FAM13C: variants seen among roughly 807,000 people sequenced by gnomAD.
FAM13C encodes protein FAM13C.
A neutral mutation model predicts 73.2 loss-of-function variants in FAM13C; 37 were observed. The ratio of observed to expected loss-of-function variants is 0.51; its 90% CI spans 0.39 to 0.67. The LOEUF (loss-of-function observed/expected upper bound fraction) is 0.67. Among genes scored for constraint, FAM13C ranks in the 30% least tolerant of loss-of-function variants. The pLI is 0.00. For missense variants in FAM13C, 589 were observed against 715.6 expected, an observed-to-expected ratio of 0.82 and a Z score of 2.02; for synonymous variants, 246 against 260.9, an observed-to-expected ratio of 0.94 and a Z score of 0.55.
chr10:59,308,195 T>C (rs1220370240), intron 4 of FAM13C, among the ~76,000 whole-genome samples: 1 of 152,176 alleles, frequency 6.6e-6, no homozygotes, highest in Non-Finnish European at 1.5e-5. Context: ...AACTCCAGTG[T>C]AAGCTTGTCC....
intron 10 of FAM13C, among the ~76,000 whole-genome samples, chr10:59,254,987 T>C (rs1251639107): frequency 2.0e-5 from 3 of 152,204 alleles, no homozygotes; most frequent in Non-Finnish European, 2.9e-5. Flanking sequence ...AATGTGATTT[T>C]TGGAGGAGTC....
In FAM13C at chr10:59,254,658, A is replaced by C. The variant is rs189873590; in HGVS notation, c.1237-215T>G. Among the ~76,000 whole-genome samples, 1,111 of 151,826 alleles carry C rather than the reference A, an allele frequency of 7.3e-3. 18 individuals carry two copies. The highest frequency in any genetic ancestry group is 0.026 in the African/African-American group (1,057 of 41,330). On this transcript the variant is annotated intron_variant, in intron 10 of 13. Transcript: ENST00000618804. ...TCACTCTGTCACCCAGGCGGAGTGC[A>C]ATGGCATGATCTTGGCTCACTGCAA...
chr10:59,303,802 A>G (rs1389859343), intron 4 of FAM13C, among the ~76,000 whole-genome samples: 1 of 152,140 alleles, frequency 6.6e-6, no homozygotes, highest in Non-Finnish European at 1.5e-5. Flanking sequence ...TCTAATGATC[A>G]GTGATGTGAG....
chr10:59,348,927 C>T (rs375084176), intron 3 of FAM13C, among the ~76,000 whole-genome samples: 2 of 152,298 alleles, frequency 1.3e-5, no homozygotes, highest in African/African-American at 4.8e-5. Context: ...AGCCACAATG[C>T]CCAGCTGAAT....
At chr10:59,351,983 G>A (rs991112998) in intron 3 of FAM13C, among the ~76,000 whole-genome samples, 2 of 151,990 alleles carry the variant, frequency 1.3e-5, no homozygotes, top group South Asian at 2.1e-4. Context: ...GGGATAGAAC[G>A]AAACTCTGTC....
At chr10:59,324,174 G>A in intron 3 of FAM13C, 68 bp from the exon 4 acceptor site, 3 of 1,262,930 alleles carry the variant, frequency 2.4e-6, no homozygotes, top group Non-Finnish European at 3.4e-6. Flanking sequence ...TTATTATGCT[G>A]GAAGTGGGTC....
chr10:59,270,247 C>T (rs976593191), intron 6 of FAM13C, 138 bp from the exon 7 acceptor site: 3 of 808,152 alleles, frequency 3.7e-6, no homozygotes, highest in East Asian at 5.4e-5. Flanking sequence ...ATATGAAAAG[C>T]TTTCAAAATA....
intron 3 of FAM13C, among the ~76,000 whole-genome samples, chr10:59,348,129 T>C (rs1854558841): frequency 6.6e-6 from 1 of 152,238 alleles, no homozygotes. Context: ...GCGCAATATC[T>C]ATGATGGTGC....
intron 7 of FAM13C, among the ~76,000 whole-genome samples, chr10:59,269,133 ACCC>A (rs1471021284): frequency 1.3e-5 from 2 of 151,746 alleles, no homozygotes; most frequent in African/African-American, 2.4e-5. Flanking sequence ...AATTGCATAC[ACCC>A]CCTCACATAA....
intron 12 of FAM13C, 134 bp downstream of exon 12, chr10:59,252,665 C>T (rs1841508066): frequency 1.3e-6 from 1 of 754,072 alleles, no homozygotes; most frequent in African/African-American, 1.8e-5. Flanking sequence ...ATGTAAGAGA[C>T]TAGGATAAAG....
At position 59,352,187 on chromosome 10, in the gene FAM13C, C is replaced by T. The variant is rs1387297442; in HGVS notation, c.324+83G>A. 6.0e-6 allele frequency: 9 copies of T among 1,490,932 alleles called. No homozygotes were observed. The East Asian group carries it at 1.1e-4, about 19-fold the overall frequency. 92.4% of individuals were successfully genotyped at this position (1,490,932 alleles called of 1,614,324 possible). On this transcript the variant is annotated intron_variant, in intron 3 of 13. Coordinates refer to ENST00000618804, the MANE Select transcript of FAM13C (RefSeq NM_198215.4). ...GCCAATCCCCTCCCGCAAAACAGTG[C>T]GCTCAAATCGTCTGCCAGAACCGTG...
rs772920908 is a variant in FAM13C, at chr10:59,264,137, A to G, written c.972T>C (p.Pro324=). Residue 324 remains proline (P), a synonymous_variant, in exon 9 of 14, where the codon CCT becomes CCC. Coordinates refer to ENST00000618804, the MANE Select transcript of FAM13C (RefSeq NM_198215.4). ...AATCATTCATCCATTTCAGGACTTC[A>G]GGATTAGAAGTCTTGTCACCATGTG... is the stretch of plus-strand genomic sequence containing the variant. The part of the protein sequence containing the change: ...RPSHGDKTSN[P]EVLKWMNDLA... The G allele has an allele frequency of 1.3e-6, 2 of 1,571,670 alleles. No individual in the cohort carries two copies. Among genetic ancestry groups the G allele is most frequent in the Non-Finnish European group, 1.7e-6 (2 of 1,153,040 alleles).
intron 3 of FAM13C, among the ~76,000 whole-genome samples, chr10:59,346,874 CTA>C (rs1854359989): frequency 6.6e-6 from 1 of 152,120 alleles, no homozygotes; most frequent in Non-Finnish European, 1.5e-5. Flanking sequence ...TGTTTTCTAT[CTA>C]ATTAGATATC....
intron 4 of FAM13C, among the ~76,000 whole-genome samples, chr10:59,308,057 G>A (rs1221477743): frequency 2.6e-5 from 4 of 152,042 alleles, no homozygotes; most frequent in Non-Finnish European, 5.9e-5. Flanking sequence ...CGGTCACACT[G>A]AACACTCCCT....
chr10:59,357,874 C>A (rs1272707460), intron 1 of FAM13C, among the ~76,000 whole-genome samples: 1 of 152,134 alleles, frequency 6.6e-6, no homozygotes, highest in Non-Finnish European at 1.5e-5. Flanking sequence ...TGCCTGCATA[C>A]ATAAATATAA....
chr10:59,344,342 G>C (rs1446532452), intron 3 of FAM13C, among the ~76,000 whole-genome samples: 1 of 147,716 alleles, frequency 6.8e-6, no homozygotes, highest in Admixed American at 6.8e-5. Flanking sequence ...GCAGCAGCGC[G>C]ATCTCGGCTC....
intron 3 of FAM13C, among the ~76,000 whole-genome samples, chr10:59,337,088 G>C (rs1172849228): frequency 1.3e-5 from 2 of 152,178 alleles, no homozygotes; most frequent in Non-Finnish European, 2.9e-5. Flanking sequence ...ATCATCTCTT[G>C]TGTGAACTTT....
intron 4 of FAM13C, among the ~76,000 whole-genome samples, chr10:59,312,642 C>G (rs1849067574): frequency 6.6e-6 from 1 of 152,188 alleles, no homozygotes; most frequent in Non-Finnish European, 1.5e-5. Flanking sequence ...GCGTGTCCAC[C>G]ACCAACTTTT....
In FAM13C at chr10:59,265,314, GGTTTT is replaced by G. The variant is rs1378420501; in HGVS notation, c.943-1153_943-1149del. Reference sequence around the variant, plus strand: ...AGGGATGGCAGAGGGATAGGGAAGGGGTTTTGGCGGGGGGGGGGGGGAATCCTGGT... The same window carrying G: ...AGGGATGGCAGAGGGATAGGGAAGGGGGCGGGGGGGGGGGGGAATCCTGGT... On this transcript the variant is annotated intron_variant, in intron 8 of 13. Transcript: ENST00000618804. Among the ~76,000 whole-genome samples the G allele has an allele frequency of 1.1e-3, 64 of 59,118 alleles. 7 individuals are homozygous for G. The highest frequency in any genetic ancestry group is 4.0e-3 in the African/African-American group (59 of 14,638). 38.8% of individuals were successfully genotyped at this position (59,118 alleles called of 152,430 possible).
Sources: gnomAD v4.1 joint callset for allele counts (sites outside exome capture counted in the v4.1 genomes callset) on GRCh38, gnomAD v4.1.1 for gene constraint, MANE v1.5 for transcripts, NCBI Gene and HGNC (gene_info 2026-07-23, HGNC 2026-07-21) for gene names.